OPN4: variants seen among roughly 807,000 people sequenced by gnomAD.
OPN4 encodes the protein opsin 4.
Under a neutral mutation model 49.5 loss-of-function variants are expected in OPN4, and 43 were observed. That is an observed-to-expected ratio of 0.87 (90% CI 0.68 to 1.12). The LOEUF is 1.12. Ranked by LOEUF, OPN4 falls within the 50% of genes most tolerant of loss-of-function variation. The pLI is 0.00. For missense variants in OPN4, 657 were observed against 643.9 expected, an observed-to-expected ratio of 1.02 and a Z score of -0.22; for synonymous variants, 263 against 258.0, an observed-to-expected ratio of 1.02 and a Z score of -0.19.
chr10:86,662,985 A>C (rs1413912301), intron 8 of OPN4, among the ~76,000 whole-genome samples: 2 of 152,216 alleles, frequency 1.3e-5, no homozygotes, highest in Non-Finnish European at 2.9e-5. Flanking sequence ...CTCCTCTGAA[A>C]GGGAAAAGAG....
intron 3 of OPN4, 114 bp downstream of exon 3, chr10:86,658,279 G>GTAGC: frequency 7.2e-7 from 1 of 1,396,286 alleles, no homozygotes; most frequent in Admixed American, 1.9e-5. Flanking sequence ...CAGAGAGTGG[G>GTAGC]TAGCTGCCCT....
At chr10:86,663,852 C>T in intron 9 of OPN4, 50 bp downstream of exon 9, 2 of 1,537,836 alleles carry the variant, frequency 1.3e-6, no homozygotes. Context: ...GGGTTAGGGG[C>T]CAGTAGCCCA....
chr10:86,658,250 G>T (rs1438426680), intron 3 of OPN4, 85 bp downstream of exon 3: 8 of 1,541,474 alleles, frequency 5.2e-6, no homozygotes, highest in Non-Finnish European at 6.2e-6. Context: ...CCCAAAGGAG[G>T]TGATTTGCTG....
intron 9 of OPN4, among the ~76,000 whole-genome samples, chr10:86,664,407 G>C (rs941492569): frequency 6.6e-6 from 1 of 152,180 alleles, no homozygotes; most frequent in African/African-American, 2.4e-5. Context: ...AATACTTGTG[G>C]CTATTAAAAG....
rs774026209 is a variant in OPN4 at position 86,665,799 on chromosome 10, A to G, written c.*48A>G. The G allele has an allele frequency of 6.9e-7, 1 of 1,440,266 alleles. No individual in the cohort carries two copies. Among genetic ancestry groups the G allele is most frequent in the Non-Finnish European group, 9.8e-7 (1 of 1,025,180 alleles). The allele number at this position is 1,440,266 out of a possible 1,614,324, so 89.2% of individuals were successfully genotyped here. The stretch of plus-strand genomic sequence containing the variant: ...CTTCTGAGACACATCCAGCCCCCCC[A>G]CGTCTCCCTCATATACACAGACCCA... On this transcript the variant is annotated 3_prime_UTR_variant, in exon 10 of 10. Transcript: ENST00000241891.
intron 7 of OPN4, 146 bp downstream of exon 7, chr10:86,661,534 G>T: frequency 1.6e-6 from 1 of 638,196 alleles, no homozygotes; most frequent in Non-Finnish European, 2.7e-6. Context: ...ACTGAGTGGG[G>T]TCTGGAGTTG....
At chr10:86,662,986 G>T (rs12220083) in intron 8 of OPN4, among the ~76,000 whole-genome samples, 1 of 152,232 alleles carries the variant, frequency 6.6e-6, no homozygotes, top group South Asian at 2.1e-4. Context: ...TCCTCTGAAA[G>T]GGAAAAGAGG....
chr10:86,665,038 G>A (rs1017844221), intron 9 of OPN4, among the ~76,000 whole-genome samples: 1 of 152,214 alleles, frequency 6.6e-6, no homozygotes, highest in African/African-American at 2.4e-5. Context: ...AGCAGGGGTG[G>A]GGAGTGGGGG....
rs761987702 is a variant in OPN4, at chr10:86,658,087, G to A, written c.346G>A (p.Asp116Asn). 9.9e-6 allele frequency: 16 copies of A among 1,613,942 alleles called. No homozygotes were observed. Among genetic ancestry groups the A allele is most frequent in the African/African-American group, 5.3e-5 (4 of 74,898 alleles). The stretch of plus-strand genomic sequence containing the variant: ...GTTCATTATCAACCTCGCGGTCAGC[G>A]ACTTCCTCATGTCCTTCACCCAGGC... ...NMFIINLAVSDFLMSFTQAPV... is the reference protein window; with the variant it reads ...NMFIINLAVSNFLMSFTQAPV... Residue 116 changes from aspartate to asparagine, a missense_variant, in exon 3 of 10, where the codon GAC becomes AAC. Coordinates refer to ENST00000241891, the MANE Select transcript of OPN4 (RefSeq NM_033282.4).
intron 4 of OPN4, 149 bp from the exon 5 acceptor site, chr10:86,659,148 T>C (rs1458889420): frequency 1.6e-6 from 1 of 627,720 alleles, no homozygotes; most frequent in East Asian, 2.7e-5. Flanking sequence ...GCCATCCCAG[T>C]TCCCTCCAGC....
rs1468465353 is a variant in OPN4, at chr10:86,658,644, G to A, written c.585G>A (p.Trp195Ter). 2 of 1,613,872 alleles carry A rather than the reference G, an allele frequency of 1.2e-6. No homozygotes were observed. Residue 195 changes from tryptophan to a stop codon, truncating the protein, a stop_gained, in exon 4 of 10, where the codon TGG becomes TGA. Transcript: ENST00000241891. LOFTEE classifies it high-confidence loss of function. ...RRAAFVLLGV[W>*]LYALAWSLPP... ...CGGCATTTGTCCTGCTGGGCGTTTG[G>A]CTCTATGCCCTGGCCTGGAGTCTGC...
intron 2 of OPN4, chr10:86,657,308 G>A (rs921338405): frequency 2.7e-6 from 2 of 752,486 alleles, no homozygotes; most frequent in Non-Finnish European, 5.0e-6. Context: ...TTCATGAGTG[G>A]GAGCATCTTG....
intron 9 of OPN4, among the ~76,000 whole-genome samples, chr10:86,665,296 A>T (rs1844126444): frequency 6.6e-6 from 1 of 152,112 alleles, no homozygotes; most frequent in South Asian, 2.1e-4. Context: ...TGGGGACAGG[A>T]AGCCCTGGGA....
intron 9 of OPN4, among the ~76,000 whole-genome samples, chr10:86,664,412 T>G (rs188772539): frequency 4.6e-5 from 7 of 152,310 alleles, no homozygotes; most frequent in Non-Finnish European, 7.4e-5. Flanking sequence ...TTGTGGCTAT[T>G]AAAAGAAGGC....
At position 86,658,559 on chromosome 10, in the gene OPN4, A is replaced by G. The variant is rs772462362; in HGVS notation, c.500A>G (p.Asp167Gly). 1.9e-6 allele frequency: 3 copies of G among 1,614,178 alleles called. No homozygotes were observed. The highest frequency in any genetic ancestry group is 2.2e-5 in the South Asian group (2 of 91,082). Residue 167 changes from aspartate to glycine, a missense_variant, in exon 4 of 10, where the codon GAC becomes GGC. Coordinates refer to ENST00000241891, the MANE Select transcript of OPN4 (RefSeq NM_033282.4). ...SMITLTAIALDRYLVITRPLA... is the reference protein window; with the variant it reads ...SMITLTAIALGRYLVITRPLA... ...ATCACCCTGACGGCCATCGCCCTGG[A>G]CCGCTACCTGGTAATCACACGCCCG...
chr10:86,659,621 A>T (rs770254921), intron 5 of OPN4, among the ~76,000 whole-genome samples, 153 bp downstream of exon 5: 2 of 152,218 alleles, frequency 1.3e-5, no homozygotes, highest in Non-Finnish European at 2.9e-5. Context: ...AGCAGTGTCT[A>T]GGGGAGCCTC....
At position 86,654,905 on chromosome 10, in the gene OPN4, G is replaced by A. The variant is rs771237976; in HGVS notation, c.122G>A (p.Arg41Gln). ...CAGAGCAGCATCTCCAGCCTGGGCCGGCTTCCATCCATCAGTCCCACAGTA... is the reference window on the plus strand; with the variant it reads ...CAGAGCAGCATCTCCAGCCTGGGCCAGCTTCCATCCATCAGTCCCACAGTA... ...SSQSSISSLG[R>Q]LPSISPTAPG... is the part of the protein sequence containing the mutation. The change falls in exon 1 of 10, where the codon CGG becomes CAG. Residue 41 changes from arginine to glutamine, a missense_variant. By Grantham distance (43) the Arg-to-Gln change is conservative (BLOSUM62 1). Coordinates refer to ENST00000241891, the MANE Select transcript of OPN4 (RefSeq NM_033282.4). 1.2e-4 allele frequency: 198 copies of A among 1,592,318 alleles called. No individual in the cohort carries two copies. The highest frequency in any genetic ancestry group is 1.6e-4 in the Non-Finnish European group (182 of 1,166,470).
chr10:86,663,984 T>A, intron 9 of OPN4, 182 bp downstream of exon 9: 1 of 681,564 alleles, frequency 1.5e-6, no homozygotes, highest in South Asian at 2.0e-5. Context: ...GACTCTGAGA[T>A]GCTCTGAGCA....
In OPN4 at chr10:86,666,156, C is replaced by G. The variant is rs1014999069; in HGVS notation, c.*405C>G. On this transcript the variant is annotated 3_prime_UTR_variant, in exon 10 of 10. Transcript: ENST00000241891. ...GGGCCTGTCACTGGCATAGGAAGGC[C>G]AGCCCCGCATCTCCCACTGCCAACA... is the stretch of plus-strand genomic sequence containing the variant. The G allele has an allele frequency of 1.4e-4, 31 of 220,246 alleles. No homozygotes were observed. 13.6% of individuals were successfully genotyped at this position (220,246 alleles called of 1,614,324 possible). A position where few individuals can be genotyped will look rare whatever the true frequency, so the allele number is the denominator to read the frequency against.
Sources: allele counts gnomAD v4.1 joint callset (sites outside exome capture counted in the v4.1 genomes callset), GRCh38; gene constraint gnomAD v4.1.1; transcripts MANE v1.5; gene names NCBI Gene and HGNC (gene_info 2026-07-23, HGNC 2026-07-21).